PLA2R1: variants seen among roughly 807,000 people sequenced by gnomAD.
PLA2R1 encodes the protein secretory phospholipase A2 receptor.
A neutral mutation model predicts 195.9 loss-of-function variants in PLA2R1; 158 were observed. The observed-to-expected ratio is 0.81, with a 90% CI of 0.71 to 0.92. PLA2R1 has a LOEUF of 0.92. Among genes scored for constraint, PLA2R1 ranks in the 40% least tolerant of loss-of-function variants. The pLI is 0.00. For synonymous variants in PLA2R1, 586 were observed against 598.2 expected (o/e 0.98, Z 0.30); for missense variants, 1,626 against 1,764.6 (o/e 0.92, Z 1.41).
At chr2:159,964,186 T>C (rs1560152750) in intron 20 of PLA2R1, among the ~76,000 whole-genome samples, 1 of 152,114 alleles carries the variant, frequency 6.6e-6, no homozygotes, top group Non-Finnish European at 1.5e-5. Context: ...ATATCTAGAA[T>C]AGGCACATTC....
At chr2:160,012,547 C>T (rs887048736) in intron 10 of PLA2R1, among the ~76,000 whole-genome samples, 20 of 152,172 alleles carry the variant, frequency 1.3e-4, no homozygotes, top group Admixed American at 2.6e-4. Flanking sequence ...ATATCCTCCA[C>T]ATTTTATAGC....
intron 3 of PLA2R1, among the ~76,000 whole-genome samples, chr2:160,037,240 T>A (rs1278407608): frequency 6.6e-6 from 1 of 152,196 alleles, no homozygotes; most frequent in Non-Finnish European, 1.5e-5. Flanking sequence ...GCCAGAGTAA[T>A]CCTTAAATAT....
chr2:160,009,873 C>T (rs868483317), intron 10 of PLA2R1, among the ~76,000 whole-genome samples: 1 of 151,864 alleles, frequency 6.6e-6, no homozygotes, highest in Non-Finnish European at 1.5e-5. Flanking sequence ...TTTGAGAGGC[C>T]GAGGCAGGAG....
chr2:159,987,097 T>A, intron 12 of PLA2R1, 59 bp downstream of exon 12: 1 of 1,323,500 alleles, frequency 7.6e-7, no homozygotes, highest in Non-Finnish European at 1.1e-6. Context: ...TTGGGATACA[T>A]GGATCAAATT....
rs1425258688 is a variant in PLA2R1 at position 160,000,751 on chromosome 2, GAAAT to G, written c.1834+4897_1834+4900del. ...AAACAGAAATAGACTTTCTAGAAAT[GAAAT>G]AAATATAGTATCTAACACTGAAAAC... On this transcript the variant is annotated intron_variant, in intron 11 of 29. Transcript: ENST00000283243. Among the ~76,000 whole-genome samples the G allele has an allele frequency of 1.1e-4, 16 of 152,136 alleles. No homozygotes were observed. In the South Asian group the frequency reaches 3.3e-3, roughly 32 times the overall value.
At chr2:160,032,811 A>G (rs1357455305) in intron 4 of PLA2R1, 148 bp downstream of exon 4, 2 of 623,522 alleles carry the variant, frequency 3.2e-6, no homozygotes, top group East Asian at 3.1e-5. Flanking sequence ...GTTCATGGAA[A>G]AATTTTGGGT....
intron 27 of PLA2R1, chr2:159,946,230 C>T: frequency 1.0e-6 from 1 of 974,692 alleles, no homozygotes; most frequent in Non-Finnish European, 1.2e-6. Flanking sequence ...TAAAATACTC[C>T]TCCTCGAAAG....
Position 160,062,455 on chromosome 2 carries a change from C to A in PLA2R1, c.-52G>T. 1.3e-6 allele frequency: 2 copies of A among 1,492,946 alleles called. No homozygotes were observed. The highest frequency in any genetic ancestry group is 2.8e-5 in the East Asian group (1 of 35,978). 92.5% of individuals were successfully genotyped at this position (1,492,946 alleles called of 1,614,324 possible). On this transcript the variant is annotated 5_prime_UTR_variant, in exon 1 of 30. Coordinates refer to ENST00000283243, the MANE Select transcript of PLA2R1 (RefSeq NM_007366.5). ...CCCTTGTCCCGGGAGCCCCTTATCC[C>A]GGGAGCCCAGAGCCGCGTCCCAAGC...
intron 15 of PLA2R1, among the ~76,000 whole-genome samples, chr2:159,976,955 C>T (rs1689604352): frequency 6.6e-6 from 1 of 152,222 alleles, no homozygotes; most frequent in Non-Finnish European, 1.5e-5. Flanking sequence ...CCACTGTGTG[C>T]CACACACTGT....
Position 159,935,736 on chromosome 2 carries a change from G to A in PLA2R1, c.*6042C>T, listed in dbSNP as rs1168093331. 6.6e-6 allele frequency: 1 copy of A among 151,988 alleles called. No individual in the cohort carries two copies. The highest frequency in any genetic ancestry group is 1.5e-5 in the Non-Finnish European group (1 of 68,002). The allele number at this position is 151,988 out of a possible 1,614,324, so 9.4% of individuals were successfully genotyped here. ...AGAAGCCTAAGTTCCTTTGACTGGA[G>A]ATACTACAACAATTTGAATTCTATC... On this transcript the variant is annotated 3_prime_UTR_variant, in exon 30 of 30. Transcript: ENST00000283243.
At chr2:160,016,753 G>T in intron 8 of PLA2R1, 41 bp from the exon 9 acceptor site, 1 of 913,678 alleles carries the variant, frequency 1.1e-6, no homozygotes, top group South Asian at 1.3e-5. Flanking sequence ...TACACTCTGT[G>T]CTGATACCGA....
At chr2:159,957,612 C>G (rs1487138939) in intron 20 of PLA2R1, among the ~76,000 whole-genome samples, 2 of 152,146 alleles carry the variant, frequency 1.3e-5, no homozygotes, top group Non-Finnish European at 2.9e-5. Context: ...CTTGGCCTCC[C>G]AAAGAGTTGG....
At chr2:160,020,007 T>G in intron 8 of PLA2R1, 99 bp downstream of exon 8, 1 of 751,718 alleles carries the variant, frequency 1.3e-6, no homozygotes, top group Non-Finnish European at 2.2e-6. Flanking sequence ...GAACAGGGAC[T>G]GCACCTGTCT....
intron 1 of PLA2R1, among the ~76,000 whole-genome samples, chr2:160,049,093 G>A (rs1050338432): frequency 4.6e-5 from 7 of 152,014 alleles, no homozygotes; most frequent in Admixed American, 3.3e-4. Flanking sequence ...CGCCCGCCTC[G>A]GCCTCCCAAA....
chr2:160,060,751 C>T (rs1183535624), intron 1 of PLA2R1, among the ~76,000 whole-genome samples: 1 of 152,200 alleles, frequency 6.6e-6, no homozygotes, highest in Non-Finnish European at 1.5e-5. Context: ...CGGAGGATCA[C>T]CAGCACATAC....
intron 1 of PLA2R1, among the ~76,000 whole-genome samples, chr2:160,048,581 C>T (rs1695030725): frequency 6.6e-6 from 1 of 152,094 alleles, no homozygotes; most frequent in Non-Finnish European, 1.5e-5. Context: ...ATGTCTCTAA[C>T]AAAACTATAA....
chr2:160,062,136 T>A (rs1696001803), intron 1 of PLA2R1, among the ~76,000 whole-genome samples, 159 bp downstream of exon 1: 1 of 149,776 alleles, frequency 6.7e-6, no homozygotes, highest in African/African-American at 2.5e-5. Flanking sequence ...CACCACCCGC[T>A]CCCCCCATGC....
At chr2:160,014,229 T>C (rs1352890070) in intron 9 of PLA2R1, among the ~76,000 whole-genome samples, 1 of 105,364 alleles carries the variant, frequency 9.5e-6, no homozygotes, top group African/African-American at 3.3e-5. Context: ...TTTTTCTTTT[T>C]CTTTCTTTTT....
intron 20 of PLA2R1, among the ~76,000 whole-genome samples, chr2:159,962,901 G>A (rs1265118998): frequency 1.1e-4 from 17 of 151,488 alleles, no homozygotes; most frequent in Non-Finnish European, 1.5e-5. Flanking sequence ...GGGCCTAGGG[G>A]AGGGATAACA....
Sources: allele counts gnomAD v4.1 joint callset (sites outside exome capture counted in the v4.1 genomes callset), GRCh38; gene constraint gnomAD v4.1.1; transcripts MANE v1.5; gene names NCBI Gene and HGNC (gene_info 2026-07-23, HGNC 2026-07-21).